NTMT2: variants seen among roughly 807,000 people sequenced by gnomAD.
NTMT2 encodes the protein X-Pro-Lys N-terminal protein methyltransferase 1B.
A neutral mutation model predicts 23.4 loss-of-function variants in NTMT2; 21 were observed. That is an observed-to-expected ratio of 0.90 (90% CI 0.64 to 1.29). The LOEUF is 1.29. NTMT2 is among the 50% of genes most tolerant of loss of function. The probability of loss-of-function intolerance (pLI) is 0.00; values close to 1 mark genes in which losing one functional copy is unlikely to be tolerated. For missense variants in NTMT2, 336 were observed against 352.0 expected, an observed-to-expected ratio of 0.95 and a Z score of 0.36; for synonymous variants, 131 against 127.7, an observed-to-expected ratio of 1.03 and a Z score of -0.17.
At chr1:170,157,401 T>C (rs867170666) in intron 1 of NTMT2, among the ~76,000 whole-genome samples, 1 of 152,132 alleles carries the variant, frequency 6.6e-6, no homozygotes, top group Non-Finnish European at 1.5e-5. Context: ...ATTGGTGGCC[T>C]CCAGAAAATG....
In NTMT2 at chr1:170,149,632, T is replaced by G. The variant is rs571475493; in HGVS notation, c.154+3371T>G. Among the ~76,000 whole-genome samples, 5 of 152,330 alleles carry G rather than the reference T, an allele frequency of 3.3e-5. No homozygotes were observed. In the South Asian group the frequency reaches 1.0e-3, roughly 32 times the overall value. ...ATAATTAATTGCAGATCAGCAAAGT[T>G]CTGAGTTTAAATTTTTGCACTGCTA... On this transcript the variant is annotated intron_variant, in intron 1 of 3. Coordinates refer to ENST00000439373, the MANE Select transcript of NTMT2 (RefSeq NM_001136107.2).
chr1:170,157,236 C>T (rs1673181044), intron 1 of NTMT2, among the ~76,000 whole-genome samples: 1 of 152,018 alleles, frequency 6.6e-6, no homozygotes, highest in African/African-American at 2.4e-5. Context: ...ACATAAGGAC[C>T]ATCCTTTTAA....
At chr1:170,146,306 T>C in intron 1 of NTMT2, 45 bp downstream of exon 1, 4 of 1,520,728 alleles carry the variant, frequency 2.6e-6, no homozygotes, top group Non-Finnish European at 2.7e-6. Context: ...AAATGACTGA[T>C]GGGATTGCAT....
chr1:170,148,139 C>T (rs1172959800), intron 1 of NTMT2, among the ~76,000 whole-genome samples: 2 of 121,342 alleles, frequency 1.6e-5, no homozygotes, highest in Admixed American at 1.0e-4. Context: ...TCCTGAGGCA[C>T]TCCTTTTTTT....
At chr1:170,164,961 T>C (rs1035851477) in intron 2 of NTMT2, among the ~76,000 whole-genome samples, 1 of 152,216 alleles carries the variant, frequency 6.6e-6, no homozygotes, top group Non-Finnish European at 1.5e-5. Context: ...TCACTTTTTG[T>C]TCTTCATTGT....
chr1:170,162,097 C>T (rs1040086024), intron 2 of NTMT2, among the ~76,000 whole-genome samples: 18 of 152,102 alleles, frequency 1.2e-4, no homozygotes, highest in African/African-American at 2.7e-4. Flanking sequence ...CTCAAACAAA[C>T]GAACACACAA....
chr1:170,149,443 A>C (rs951646048), intron 1 of NTMT2, among the ~76,000 whole-genome samples: 2 of 152,198 alleles, frequency 1.3e-5, no homozygotes, highest in Admixed American at 6.5e-5. Context: ...TATTTATGGA[A>C]TGCAATTGCG....
intron 1 of NTMT2, among the ~76,000 whole-genome samples, chr1:170,153,538 C>G (rs1467776132): frequency 6.6e-6 from 1 of 152,184 alleles, no homozygotes; most frequent in East Asian, 1.9e-4. Context: ...AAAGATCACC[C>G]TTGTTATGCT....
At chr1:170,148,660 A>G (rs1037417424) in intron 1 of NTMT2, among the ~76,000 whole-genome samples, 2 of 152,200 alleles carry the variant, frequency 1.3e-5, no homozygotes, top group Admixed American at 1.3e-4. Flanking sequence ...GGCTGCAGTA[A>G]CAAATTAACT....
At chr1:170,166,136 TTTTC>T (rs1557909942) in intron 2 of NTMT2, among the ~76,000 whole-genome samples, 3 of 84,638 alleles carry the variant, frequency 3.5e-5, no homozygotes, top group African/African-American at 1.2e-4. Flanking sequence ...TTTTTTTTTT[TTTTC>T]TTTTTTTTTT....
At chr1:170,159,747 AT>A (rs1292987293) in intron 1 of NTMT2, among the ~76,000 whole-genome samples, 1 of 152,204 alleles carries the variant, frequency 6.6e-6, no homozygotes, top group Non-Finnish European at 1.5e-5. Context: ...CTATCATTTT[AT>A]CATGAATGTC....
chr1:170,166,906 T>A (rs2102243967), intron 3 of NTMT2, among the ~76,000 whole-genome samples, 155 bp downstream of exon 3: 1 of 152,270 alleles, frequency 6.6e-6, no homozygotes, highest in Non-Finnish European at 1.5e-5. Context: ...AAAACTCTGA[T>A]CCTCCAGATT....
At chr1:170,161,944 G>T (rs1484103884) in intron 2 of NTMT2, among the ~76,000 whole-genome samples, 1 of 152,058 alleles carries the variant, frequency 6.6e-6, no homozygotes. Flanking sequence ...ACAAAAATTA[G>T]CCGGGCGTGG....
At chr1:170,148,203 C>T (rs1673004886) in intron 1 of NTMT2, among the ~76,000 whole-genome samples, 1 of 121,282 alleles carries the variant, frequency 8.2e-6, no homozygotes, top group African/African-American at 3.2e-5. Flanking sequence ...GGCTGGAGTG[C>T]AGTGGTGCAA....
intron 1 of NTMT2, among the ~76,000 whole-genome samples, chr1:170,159,901 G>A (rs762313880): frequency 2.6e-5 from 4 of 152,144 alleles, no homozygotes; most frequent in Non-Finnish European, 5.9e-5. Flanking sequence ...AAGTATATGT[G>A]AATGTGCCTG....
chr1:170,152,118 T>C (rs1673081531), intron 1 of NTMT2, among the ~76,000 whole-genome samples: 1 of 152,108 alleles, frequency 6.6e-6, no homozygotes, highest in African/African-American at 2.4e-5. Flanking sequence ...AGAAGGCCCA[T>C]CAAGAAGTTA....
intron 2 of NTMT2, among the ~76,000 whole-genome samples, chr1:170,165,227 T>C (rs1470042518): frequency 6.6e-6 from 1 of 152,208 alleles, no homozygotes; most frequent in Non-Finnish European, 1.5e-5. Flanking sequence ...TGAATCTTCA[T>C]AAATCAGAAA....
chr1:170,164,121 CAAAAAAAAAAAAAAA>C (rs36025340), intron 2 of NTMT2, among the ~76,000 whole-genome samples: 1 of 102,014 alleles, frequency 9.8e-6, no homozygotes, highest in East Asian at 3.1e-4. Flanking sequence ...GACTCTATCT[CAAAAAAAAAAAAAAA>C]AAAAAAAGAC....
intron 1 of NTMT2, among the ~76,000 whole-genome samples, chr1:170,154,542 T>A (rs1048472129): frequency 6.6e-6 from 1 of 152,260 alleles, no homozygotes; most frequent in Non-Finnish European, 1.5e-5. Flanking sequence ...CCCTGCTGGC[T>A]GGGGTTCAAG....
Sources: gnomAD v4.1 joint callset for allele counts (sites outside exome capture counted in the v4.1 genomes callset) on GRCh38, gnomAD v4.1.1 for gene constraint, MANE v1.5 for transcripts, NCBI Gene and HGNC (gene_info 2026-07-23, HGNC 2026-07-21) for gene names.